Variants in HS6ST3 observed in about 807,000 individuals in gnomAD.
HS6ST3 encodes heparan-sulfate 6-O-sulfotransferase 3.
HS6ST3 carries 12 observed loss-of-function variants against 36.7 expected under a neutral mutation model. That is an observed-to-expected ratio of 0.33 (90% CI 0.21 to 0.53). HS6ST3 has a LOEUF of 0.53. Ranked by LOEUF, HS6ST3 falls within the 20% of genes least tolerant of loss-of-function variation. The pLI, the probability that HS6ST3 is intolerant of heterozygous loss-of-function variation, is 0.95. For synonymous variants in HS6ST3, 240 were observed against 257.5 expected (o/e 0.93, Z 0.65); for missense variants, 584 against 640.9 (o/e 0.91, Z 0.96).
Position 96,273,911 on chromosome 13 carries a change from C to G in HS6ST3, c.707+182342C>G, listed in dbSNP as rs1043417149. Among the ~76,000 whole-genome samples the G allele has an allele frequency of 4.8e-5, 7 of 144,374 alleles. No individual in the cohort carries two copies. The East Asian group carries it at 1.5e-3, about 32-fold the overall frequency. 94.7% of individuals were successfully genotyped at this position (144,374 alleles called of 152,430 possible). The stretch of plus-strand genomic sequence containing the variant: ...CTATGTCTTTCTGTGTGGCTTCCCT[C>G]CCTTCCTTCCTTCTTCCCTCCCTCC... On this transcript the variant is annotated intron_variant, in intron 1 of 1. Coordinates refer to ENST00000376705, the MANE Select transcript of HS6ST3 (RefSeq NM_153456.4).
intron 1 of HS6ST3, among the ~76,000 whole-genome samples, chr13:96,429,181 G>C (rs944255119): frequency 6.6e-6 from 1 of 152,132 alleles, no homozygotes; most frequent in Non-Finnish European, 1.5e-5. Flanking sequence ...CAGCTGTTTC[G>C]AAACTTTACA....
chr13:96,518,455 AC>A (rs1167056013), intron 1 of HS6ST3, among the ~76,000 whole-genome samples: 1 of 152,184 alleles, frequency 6.6e-6, no homozygotes, highest in Non-Finnish European at 1.5e-5. Context: ...AAAATTGCTT[AC>A]AAACAATATC....
At chr13:96,615,454 G>A (rs988574230) in intron 1 of HS6ST3, among the ~76,000 whole-genome samples, 1 of 152,178 alleles carries the variant, frequency 6.6e-6, no homozygotes, top group Admixed American at 6.5e-5. Context: ...GAGCAGTGTC[G>A]ATGGATGGTG....
At chr13:96,129,292 A>T (rs1233756130) in intron 1 of HS6ST3, among the ~76,000 whole-genome samples, 1 of 152,194 alleles carries the variant, frequency 6.6e-6, no homozygotes, top group Non-Finnish European at 1.5e-5. Flanking sequence ...ATGGTTCTGC[A>T]AGAAGATCGT....
At chr13:96,829,092 A>T (rs1878711762) in intron 1 of HS6ST3, among the ~76,000 whole-genome samples, 1 of 152,162 alleles carries the variant, frequency 6.6e-6, no homozygotes, top group East Asian at 1.9e-4. Context: ...GAAACACTCA[A>T]AATATTGCAT....
chr13:96,099,066 C>T (rs528872735), intron 1 of HS6ST3, among the ~76,000 whole-genome samples: 4 of 152,134 alleles, frequency 2.6e-5, no homozygotes, highest in Non-Finnish European at 5.9e-5. Flanking sequence ...GCCTCAGCCT[C>T]CCGAGTAGCT....
At chr13:96,549,879 A>G (rs906508248) in intron 1 of HS6ST3, among the ~76,000 whole-genome samples, 6 of 151,836 alleles carry the variant, frequency 4.0e-5, no homozygotes, top group African/African-American at 1.5e-4. Flanking sequence ...GGTGTCTGAA[A>G]TATCTTCTCT....
At chr13:96,640,969 T>G (rs1328892948) in intron 1 of HS6ST3, among the ~76,000 whole-genome samples, 1 of 152,062 alleles carries the variant, frequency 6.6e-6, no homozygotes, top group Non-Finnish European at 1.5e-5. Flanking sequence ...CAGTATAGTC[T>G]GAAGTCAGGT....
intron 1 of HS6ST3, among the ~76,000 whole-genome samples, chr13:96,489,403 C>CAT (rs1432343364): frequency 1.4e-5 from 2 of 138,530 alleles, no homozygotes; most frequent in Admixed American, 7.4e-5. Flanking sequence ...CACACACACA[C>CAT]ATATAGTTTT....
rs543052454 is a variant in HS6ST3 at position 96,643,006 on chromosome 13, A to C, written c.708-189484A>C. On this transcript the variant is annotated intron_variant, in intron 1 of 1. Coordinates refer to ENST00000376705, the MANE Select transcript of HS6ST3 (RefSeq NM_153456.4). Reference sequence around the variant, plus strand: ...GGGTTGAAAACCACACATTTTAGCTAATATAATGTGGCAACACTGGAAATC... The same window carrying C: ...GGGTTGAAAACCACACATTTTAGCTCATATAATGTGGCAACACTGGAAATC... Among the ~76,000 whole-genome samples the C allele has an allele frequency of 1.1e-4, 17 of 152,046 alleles. No individual in the cohort carries two copies. In the East Asian group the frequency reaches 1.6e-3, roughly 14 times the overall value.
At chr13:96,219,795 T>A (rs2054446217) in intron 1 of HS6ST3, among the ~76,000 whole-genome samples, 1 of 152,188 alleles carries the variant, frequency 6.6e-6, no homozygotes, top group Non-Finnish European at 1.5e-5. Flanking sequence ...GCGAGTCTCC[T>A]GCCTCAGCCT....
chr13:96,260,918 G>T (rs916242321), intron 1 of HS6ST3, among the ~76,000 whole-genome samples: 1 of 152,144 alleles, frequency 6.6e-6, no homozygotes, highest in South Asian at 2.1e-4. Flanking sequence ...GGGATTACAG[G>T]TGTGAGCCAC....
intron 1 of HS6ST3, among the ~76,000 whole-genome samples, chr13:96,181,821 A>G (rs2054241325): frequency 6.6e-6 from 1 of 152,282 alleles, no homozygotes; most frequent in Middle Eastern, 3.4e-3. Flanking sequence ...TTTAATTTAT[A>G]TCCGCACCTC....
At chr13:96,704,636 C>A (rs2138455489) in intron 1 of HS6ST3, among the ~76,000 whole-genome samples, 1 of 152,224 alleles carries the variant, frequency 6.6e-6, no homozygotes, top group Admixed American at 6.5e-5. Flanking sequence ...GATGCAGGTC[C>A]TCTGAAGAGT....
intron 1 of HS6ST3, among the ~76,000 whole-genome samples, chr13:96,319,021 T>C (rs968167226): frequency 2.0e-5 from 3 of 152,208 alleles, no homozygotes; most frequent in Non-Finnish European, 2.9e-5. Flanking sequence ...TTTTAGTCTA[T>C]TCACAGAGTT....
rs145170716 is a variant in HS6ST3, at chr13:96,301,479, G to T, written c.707+209910G>T. On this transcript the variant is annotated intron_variant, in intron 1 of 1. Transcript: ENST00000376705. ...AGCTTTGCTCTATCAGCCAAAGACTGGGGTACTGGTCCTGAGTCTGTCTCT... is the reference window on the plus strand; with the variant it reads ...AGCTTTGCTCTATCAGCCAAAGACTTGGGTACTGGTCCTGAGTCTGTCTCT... Among the ~76,000 whole-genome samples, 110 of 152,292 alleles carry T rather than the reference G, an allele frequency of 7.2e-4. 2 individuals are homozygous for T. Among genetic ancestry groups the T allele is most frequent in the African/African-American group, 2.5e-3 (105 of 41,578 alleles).
At chr13:96,101,629 A>G (rs1017865402) in intron 1 of HS6ST3, among the ~76,000 whole-genome samples, 1 of 152,090 alleles carries the variant, frequency 6.6e-6, no homozygotes, top group Non-Finnish European at 1.5e-5. Flanking sequence ...TCAGCAAAAC[A>G]CTGTTCAACA....
At chr13:96,736,516 A>G (rs1199028559) in intron 1 of HS6ST3, among the ~76,000 whole-genome samples, 1 of 152,228 alleles carries the variant, frequency 6.6e-6, no homozygotes, top group East Asian at 1.9e-4. Context: ...TAAGCTATTT[A>G]TTATAGTCAT....
intron 1 of HS6ST3, among the ~76,000 whole-genome samples, chr13:96,271,135 T>C (rs1350522218): frequency 1.3e-5 from 2 of 151,836 alleles, no homozygotes; most frequent in African/African-American, 4.9e-5. Context: ...TTGCTGATTT[T>C]GGTGGTGTAA....
Sources: allele counts gnomAD v4.1 joint callset (sites outside exome capture counted in the v4.1 genomes callset), GRCh38; gene constraint gnomAD v4.1.1; transcripts MANE v1.5; gene names NCBI Gene and HGNC (gene_info 2026-07-23, HGNC 2026-07-21).